The following MSI2 variants were observed in gnomAD, a reference collection of about 807,000 sequenced individuals.
The protein encoded by MSI2 is musashi RNA binding protein 2.
Under a neutral mutation model 45.6 loss-of-function variants are expected in MSI2, and 17 were observed. The observed-to-expected ratio is 0.37, with a 90% CI of 0.26 to 0.56. MSI2 has a LOEUF of 0.56. Among genes scored for constraint, MSI2 ranks in the 20% least tolerant of loss-of-function variants. The probability of loss-of-function intolerance (pLI) is 0.77; values close to 1 mark genes in which losing one functional copy is unlikely to be tolerated. For missense variants in MSI2, 293 were observed against 444.2 expected (o/e 0.66, Z 3.06); for synonymous variants, 156 against 158.2 (o/e 0.99, Z 0.11).
intron 6 of MSI2, among the ~76,000 whole-genome samples, chr17:57,454,432 CTCTT>C (rs1451443572): frequency 1.4e-5 from 2 of 147,148 alleles, no homozygotes; most frequent in South Asian, 2.1e-4. Context: ...TTTTCTTTTT[CTCTT>C]TCTTTTTTTT....
chr17:57,293,597 TTTTTTTTTTG>T (rs1451336710), intron 5 of MSI2, among the ~76,000 whole-genome samples: 1 of 129,246 alleles, frequency 7.7e-6, no homozygotes, highest in African/African-American at 3.4e-5. Flanking sequence ...GTTTTTTTGT[TTTTTTTTTTG>T]TTTTTTTTTG....
chr17:57,346,984 G>A (rs1341165089), intron 5 of MSI2, among the ~76,000 whole-genome samples: 1 of 152,160 alleles, frequency 6.6e-6, no homozygotes, highest in Non-Finnish European at 1.5e-5. Context: ...ATGTTTGTGT[G>A]TGTGCACAGT....
intron 6 of MSI2, among the ~76,000 whole-genome samples, chr17:57,527,872 T>C (rs1412922065): frequency 6.6e-6 from 1 of 152,252 alleles, no homozygotes. Context: ...GGCACCATTT[T>C]AAACCTTGGT....
At chr17:57,637,660 C>T (rs1313812738) in intron 10 of MSI2, among the ~76,000 whole-genome samples, 1 of 152,186 alleles carries the variant, frequency 6.6e-6, no homozygotes, top group Non-Finnish European at 1.5e-5. Context: ...CCTCGGTTTC[C>T]CCATCTGTCA....
intron 5 of MSI2, among the ~76,000 whole-genome samples, chr17:57,310,413 G>A (rs945827604): frequency 4.0e-5 from 6 of 151,644 alleles, no homozygotes; most frequent in South Asian, 2.1e-4. Context: ...GGCTCACTGC[G>A]ACCTCTGCCT....
intron 5 of MSI2, among the ~76,000 whole-genome samples, chr17:57,327,322 A>G (rs77915818): frequency 0.02 from 3,081 of 152,300 alleles, 89 homozygotes; most frequent in African/African-American, 0.069. Context: ...CCAGAGAGGT[A>G]ACGTGACTCA....
chr17:57,690,316 T>A, the MSI2 span, among the ~76,000 whole-genome samples: 1 of 151,978 alleles, frequency 6.6e-6, no homozygotes, highest in Non-Finnish European at 1.5e-5. Flanking sequence ...TCGCCCAAAT[T>A]TAAAATTGGG....
downstream of MSI2, among the ~76,000 whole-genome samples, chr17:57,688,540 G>A (rs973163504): frequency 6.6e-5 from 10 of 152,098 alleles, no homozygotes; most frequent in African/African-American, 2.4e-4. Context: ...ATTAAAACAG[G>A]TAACCCCAGA....
At chr17:57,512,436 G>A (rs2086375253) in intron 6 of MSI2, among the ~76,000 whole-genome samples, 1 of 152,126 alleles carries the variant, frequency 6.6e-6, no homozygotes, top group Non-Finnish European at 1.5e-5. Context: ...GCTGTCACCT[G>A]TTGCCATCTG....
intron 6 of MSI2, chr17:57,522,692 A>C (rs2086616554): frequency 6.6e-6 from 1 of 152,092 alleles, no homozygotes; most frequent in African/African-American, 2.4e-5. Context: ...CAGAAGAAAA[A>C]CTGAGGATAG....
the MSI2 span, among the ~76,000 whole-genome samples, chr17:57,689,816 C>T: frequency 1.2e-4 from 18 of 152,168 alleles, no homozygotes; most frequent in African/African-American, 4.3e-4. Flanking sequence ...TTCTTTTGCT[C>T]AGCATGCGTT....
intron 5 of MSI2, among the ~76,000 whole-genome samples, chr17:57,270,658 C>G (rs906681535): frequency 1.2e-4 from 18 of 152,204 alleles, no homozygotes; most frequent in African/African-American, 4.1e-4. Context: ...GCAACCGTCC[C>G]TCCATTGTAG....
At chr17:57,263,777 G>A (rs1407322547) in intron 5 of MSI2, 1 of 152,192 alleles carries the variant, frequency 6.6e-6, no homozygotes, top group African/African-American at 2.4e-5. Context: ...GAGACAGAAT[G>A]TTTCTCAAAC....
Position 57,407,416 on chromosome 17 carries a change from G to T in MSI2, c.405+5945G>T, listed in dbSNP as rs181035122. Among the ~76,000 whole-genome samples the T allele has an allele frequency of 6.6e-6, 1 of 152,230 alleles. No individual in the cohort carries two copies. Among genetic ancestry groups the T allele is most frequent in the East Asian group, 1.9e-4 (1 of 5,196 alleles). On this transcript the variant is annotated intron_variant, in intron 6 of 13. Coordinates refer to ENST00000284073, the MANE Select transcript of MSI2 (RefSeq NM_138962.4). The surrounding 1 kb of genome is among the most constrained non-coding windows in gnomAD (Gnocchi z 4.1). ...AATTTAAAAGGCATGAGATCTGTGA[G>T]AAGATAAATAAGCCTGAGAGTGGAC...
rs1025121346 is a variant in MSI2, at chr17:57,507,614, T to A, written c.406-22062T>A. Among the ~76,000 whole-genome samples the A allele has an allele frequency of 2.6e-5, 4 of 152,156 alleles. No homozygotes were observed. The East Asian group carries it at 7.7e-4, about 29-fold the overall frequency. ...ACTATAAAATAATGACTAGTTGTTTTGCATGAGTTGGGAACTGACTAGAAG... is the reference window on the plus strand; with the variant it reads ...ACTATAAAATAATGACTAGTTGTTTAGCATGAGTTGGGAACTGACTAGAAG... On this transcript the variant is annotated intron_variant, in intron 6 of 13. Coordinates refer to ENST00000284073, the MANE Select transcript of MSI2 (RefSeq NM_138962.4).
At chr17:57,632,741 C>T (rs146506385) in intron 10 of MSI2, 1 of 1,065,884 alleles carries the variant, frequency 9.4e-7, no homozygotes, top group Non-Finnish European at 1.1e-6. Context: ...CAGTTGGACC[C>T]TCAAGAGTCA....
At chr17:57,480,716 C>T (rs980718123) in intron 6 of MSI2, among the ~76,000 whole-genome samples, 1 of 152,176 alleles carries the variant, frequency 6.6e-6, no homozygotes, top group African/African-American at 2.4e-5. Flanking sequence ...CTCAGAATTG[C>T]CACCTTCTAC....
chr17:57,423,784 C>A (rs1043920184), intron 6 of MSI2, among the ~76,000 whole-genome samples: 68 of 152,266 alleles, frequency 4.5e-4, no homozygotes, highest in African/African-American at 1.6e-3. Flanking sequence ...CCCTCCTCAC[C>A]AAATGAGTTC....
intron 6 of MSI2, among the ~76,000 whole-genome samples, chr17:57,488,720 A>G (rs1057349030): frequency 2.0e-5 from 3 of 152,066 alleles, no homozygotes; most frequent in Non-Finnish European, 4.4e-5. Context: ...GCTACTTGGG[A>G]GGCTGAGGCA....
Sources: allele counts gnomAD v4.1 joint callset (sites outside exome capture counted in the v4.1 genomes callset), GRCh38; gene constraint gnomAD v4.1.1; non-coding constraint Gnocchi (gnomAD v3.1); transcripts MANE v1.5; gene names NCBI Gene and HGNC (gene_info 2026-07-23, HGNC 2026-07-21).